Variants in CNTNAP5 observed in about 807,000 individuals in gnomAD.
CNTNAP5 encodes contactin-associated protein-like 5.
Under a neutral mutation model 150.2 loss-of-function variants are expected in CNTNAP5, and 72 were observed. The observed-to-expected ratio is 0.48, with a 90% CI of 0.40 to 0.58. The LOEUF is 0.58. Among genes scored for constraint, CNTNAP5 ranks in the 20% least tolerant of loss-of-function variants. The pLI is 0.00. For synonymous variants in CNTNAP5, 672 were observed against 619.8 expected (o/e 1.08, Z -1.25); for missense variants, 1,636 against 1,626.2 (o/e 1.01, Z -0.10).
intron 6 of CNTNAP5, among the ~76,000 whole-genome samples, chr2:124,452,067 C>G (rs76840079): frequency 0.022 from 3,301 of 152,142 alleles, 83 homozygotes; most frequent in African/African-American, 0.054. Flanking sequence ...GGGCATGAAT[C>G]CAGTGTCCAG....
intron 3 of CNTNAP5, among the ~76,000 whole-genome samples, chr2:124,243,511 T>C (rs1686939898): frequency 1.3e-5 from 2 of 152,210 alleles, no homozygotes; most frequent in Non-Finnish European, 2.9e-5. Context: ...CTGAGAATAG[T>C]ATTAATGTCA....
At chr2:124,315,863 G>A (rs1688946797) in intron 3 of CNTNAP5, among the ~76,000 whole-genome samples, 2 of 151,842 alleles carry the variant, frequency 1.3e-5, no homozygotes, top group South Asian at 4.2e-4. Context: ...TGCAGCATGA[G>A]AAAAAAAATT....
At chr2:124,666,884 A>G (rs1048858553) in intron 13 of CNTNAP5, among the ~76,000 whole-genome samples, 3 of 152,072 alleles carry the variant, frequency 2.0e-5, no homozygotes, top group African/African-American at 7.2e-5. Flanking sequence ...TTTGTGCTTG[A>G]AATTGCTGTT....
At chr2:124,680,835 C>G (rs575603146) in intron 13 of CNTNAP5, 7 of 151,758 alleles carry the variant, frequency 4.6e-5, no homozygotes, top group African/African-American at 1.7e-4. Context: ...GGGTATGAAC[C>G]TTTTTTGTGG....
At chr2:124,413,196 A>T (rs1691821835) in intron 3 of CNTNAP5, among the ~76,000 whole-genome samples, 1 of 141,754 alleles carries the variant, frequency 7.1e-6, no homozygotes, top group African/African-American at 2.6e-5. Flanking sequence ...ATCTCACACC[A>T]GTTAGAATGG....
At chr2:124,295,161 CTAGAG>C (rs1688390202) in intron 3 of CNTNAP5, among the ~76,000 whole-genome samples, 7 of 151,254 alleles carry the variant, frequency 4.6e-5, no homozygotes, top group African/African-American at 9.7e-5. Context: ...AACAGACAAA[CTAGAG>C]AAGAGGAGAG....
chr2:124,448,463 G>A (rs575152633), intron 6 of CNTNAP5, among the ~76,000 whole-genome samples: 33 of 152,190 alleles, frequency 2.2e-4, no homozygotes, highest in African/African-American at 7.7e-4. Context: ...AGGTTGGGCT[G>A]CTACCACACA....
At chr2:124,373,223 G>C (rs953673693) in intron 3 of CNTNAP5, among the ~76,000 whole-genome samples, 3 of 152,138 alleles carry the variant, frequency 2.0e-5, no homozygotes, top group Admixed American at 6.5e-5. Flanking sequence ...CATAAGAAAT[G>C]ATGACGAGAA....
chr2:124,355,637 A>C (rs1186995754), intron 3 of CNTNAP5, among the ~76,000 whole-genome samples: 1 of 152,134 alleles, frequency 6.6e-6, no homozygotes, highest in East Asian at 1.9e-4. Context: ...CTTTTTGGGA[A>C]GTAAGATTCT....
At chr2:124,149,269 A>G (rs1280832619) in intron 1 of CNTNAP5, among the ~76,000 whole-genome samples, 1 of 152,036 alleles carries the variant, frequency 6.6e-6, no homozygotes, top group African/African-American at 2.4e-5. Context: ...ATTTTGATAA[A>G]TGAGTAAAGA....
rs956642433 is a variant in CNTNAP5 at position 124,502,032 on chromosome 2, G to A, written c.1063-2260G>A. Among the ~76,000 whole-genome samples, 7 of 152,170 alleles carry A rather than the reference G, an allele frequency of 4.6e-5. No homozygotes were observed. The East Asian group carries it at 5.8e-4, about 13-fold the overall frequency. ...AGGGAGAGAGAAGCTGGCCTAAGGTGAGCGAGGGAGCTGTCCAAGGACCGA... is the reference window on the plus strand; with the variant it reads ...AGGGAGAGAGAAGCTGGCCTAAGGTAAGCGAGGGAGCTGTCCAAGGACCGA... On this transcript the variant is annotated intron_variant, in intron 7 of 23. Coordinates refer to ENST00000682447, the MANE Select transcript of CNTNAP5 (RefSeq NM_001367498.1).
chr2:124,822,518 T>C (rs1573640426), intron 19 of CNTNAP5, among the ~76,000 whole-genome samples: 1 of 152,102 alleles, frequency 6.6e-6, no homozygotes, highest in Non-Finnish European at 1.5e-5. Context: ...CAATTACCAG[T>C]CCCCTTCCAA....
chr2:124,295,054 G>A (rs994911127), intron 3 of CNTNAP5, among the ~76,000 whole-genome samples: 2 of 151,908 alleles, frequency 1.3e-5, no homozygotes, highest in Admixed American at 6.6e-5. Context: ...TGTAGTGAGC[G>A]GAGATCCTGC....
At chr2:124,823,571 A>C (rs570728624) in intron 19 of CNTNAP5, among the ~76,000 whole-genome samples, 1 of 152,292 alleles carries the variant, frequency 6.6e-6, no homozygotes, top group East Asian at 1.9e-4. Context: ...TACAAACATG[A>C]GAAGGACATC....
intron 3 of CNTNAP5, among the ~76,000 whole-genome samples, chr2:124,311,210 G>A (rs1688822291): frequency 6.6e-6 from 1 of 151,940 alleles, no homozygotes; most frequent in African/African-American, 2.4e-5. Context: ...TAATCCACTA[G>A]GATTGCCATA....
At chr2:124,180,986 A>T (rs1685193901) in intron 1 of CNTNAP5, among the ~76,000 whole-genome samples, 1 of 151,972 alleles carries the variant, frequency 6.6e-6, no homozygotes, top group Non-Finnish European at 1.5e-5. Context: ...GCCACCATGA[A>T]GTCCCCTTCT....
At chr2:124,066,874 AG>A (rs1682174371) in intron 1 of CNTNAP5, among the ~76,000 whole-genome samples, 3 of 152,296 alleles carry the variant, frequency 2.0e-5, no homozygotes, top group East Asian at 3.9e-4. Flanking sequence ...GCTCCATGTC[AG>A]TATGTTTGTT....
chr2:124,064,053 C>T (rs531413843), intron 1 of CNTNAP5, among the ~76,000 whole-genome samples: 19 of 152,148 alleles, frequency 1.2e-4, no homozygotes, highest in Admixed American at 9.2e-4. Flanking sequence ...AGGATGAAGC[C>T]GTTGTTTGTA....
chr2:124,186,934 G>A (rs568568298), intron 1 of CNTNAP5, among the ~76,000 whole-genome samples: 1 of 152,278 alleles, frequency 6.6e-6, no homozygotes, highest in South Asian at 2.1e-4. Context: ...TCCTTCTTGT[G>A]CTAAAAGGGT....
Sources: allele counts gnomAD v4.1 joint callset (sites outside exome capture counted in the v4.1 genomes callset), GRCh38; gene constraint gnomAD v4.1.1; transcripts MANE v1.5; gene names NCBI Gene and HGNC (gene_info 2026-07-23, HGNC 2026-07-21).